SPTLC1: variants seen among roughly 807,000 people sequenced by gnomAD.
SPTLC1 encodes the protein serine palmitoyltransferase 1.
Under a neutral mutation model 68.9 loss-of-function variants are expected in SPTLC1, and 55 were observed. The observed-to-expected ratio is 0.80, with a 90% confidence interval of 0.64 to 1.00. The LOEUF (loss-of-function observed/expected upper bound fraction) is 1.00. SPTLC1 is among the 50% of genes least tolerant of loss of function. SPTLC1 has a pLI of 0.00. For synonymous variants in SPTLC1, 197 were observed against 201.6 expected (o/e 0.98, Z 0.19); for missense variants, 449 against 573.1 (o/e 0.78, Z 2.21).
chr9:92,096,612 G>A (rs1835539808), intron 3 of SPTLC1, among the ~76,000 whole-genome samples: 1 of 152,104 alleles, frequency 6.6e-6, no homozygotes, highest in South Asian at 2.1e-4. Context: ...AACAAACGGT[G>A]CTAGGACAAC....
At chr9:92,098,040 G>C (rs776862643) in intron 3 of SPTLC1, among the ~76,000 whole-genome samples, 2 of 152,150 alleles carry the variant, frequency 1.3e-5, no homozygotes, top group Non-Finnish European at 2.9e-5. Flanking sequence ...TTGGACTCCG[G>C]TGAAGACTCC....
At chr9:92,096,829 G>A (rs1483683703) in intron 3 of SPTLC1, among the ~76,000 whole-genome samples, 3 of 151,754 alleles carry the variant, frequency 2.0e-5, no homozygotes, top group Non-Finnish European at 4.4e-5. Flanking sequence ...AGGGAAGTCA[G>A]ACATCATTAA....
chr9:92,099,153 T>A (rs1835651159), intron 3 of SPTLC1, among the ~76,000 whole-genome samples: 1 of 152,192 alleles, frequency 6.6e-6, no homozygotes, highest in African/African-American at 2.4e-5. Flanking sequence ...ATATCTGAAC[T>A]CTGCCAGAAG....
chr9:92,037,462 C>T (rs1001390286), intron 13 of SPTLC1, among the ~76,000 whole-genome samples: 3 of 152,196 alleles, frequency 2.0e-5, no homozygotes, highest in Admixed American at 1.3e-4. Context: ...TCCAGCATCC[C>T]AGGACTTGGA....
chr9:92,106,060 G>C (rs1835968263), intron 3 of SPTLC1, among the ~76,000 whole-genome samples: 4 of 149,130 alleles, frequency 2.7e-5, no homozygotes, highest in Admixed American at 6.7e-5. Context: ...GTTTGTAAGG[G>C]AGGAGCGCCT....
chr9:92,092,834 T>C (rs1360546734), intron 3 of SPTLC1, among the ~76,000 whole-genome samples: 1 of 152,182 alleles, frequency 6.6e-6, no homozygotes, highest in Non-Finnish European at 1.5e-5. Context: ...ACACTCAATT[T>C]TGAAAGTTTG....
chr9:92,083,980 G>A (rs1364016547), intron 3 of SPTLC1, among the ~76,000 whole-genome samples: 1 of 152,134 alleles, frequency 6.6e-6, no homozygotes, highest in Non-Finnish European at 1.5e-5. Context: ...TGGATTCCTA[G>A]GTATTTCATT....
intron 3 of SPTLC1, chr9:92,105,290 T>C: frequency 6.5e-7 from 1 of 1,534,224 alleles, no homozygotes; most frequent in South Asian, 1.2e-5. Context: ...TGAGGCACTG[T>C]TGGTGGGTCA....
intron 8 of SPTLC1, chr9:92,051,030 T>A (rs1833688924): frequency 1.0e-6 from 1 of 985,204 alleles, no homozygotes; most frequent in Admixed American, 6.2e-5. Flanking sequence ...TAGTTTCGTA[T>A]CTGTCCATTA....
intron 12 of SPTLC1, among the ~76,000 whole-genome samples, chr9:92,040,126 T>C (rs199525636): frequency 0.03 from 4,562 of 152,262 alleles, 132 homozygotes; most frequent in South Asian, 0.11. Context: ...TCCCAGCACT[T>C]TGGGAGGCCA....
intron 3 of SPTLC1, among the ~76,000 whole-genome samples, chr9:92,083,395 T>A (rs2118698710): frequency 6.6e-6 from 1 of 151,846 alleles, no homozygotes; most frequent in East Asian, 1.9e-4. Context: ...AAGTCTTTAA[T>A]CCATCTTGAA....
chr9:92,034,864 G>A lies in SPTLC1; in HGVS notation c.1274C>T (p.Ala425Val), dbSNP rs371882545. 2 of 1,614,094 alleles carry A rather than the reference G, an allele frequency of 1.2e-6. No homozygotes were observed. The highest frequency in any genetic ancestry group is 4.5e-5 in the East Asian group (2 of 44,880). Reference protein sequence around the residue: ...IVDQCMNRSIALTQARYLEKE... With the variant: ...IVDQCMNRSIVLTQARYLEKE... Reference sequence around the variant, plus strand: ...CTCCAAGTAGCGCGCCTGAGTTAATGCAATACTTCTGTTCATGCACTGTAG... The same window carrying A: ...CTCCAAGTAGCGCGCCTGAGTTAATACAATACTTCTGTTCATGCACTGTAG... The change falls in exon 14 of 15, where the codon GCA (alanine) becomes GTA (valine). Residue 425 changes from alanine (A) to valine (V), a missense_variant. By Grantham distance (64) the Ala-to-Val change is moderately conservative (BLOSUM62 0). Around this residue, in one of 3 missense-constraint regions of SPTLC1, gnomAD observed 391 missense variants for 472.1 expected, o/e 0.83. Transcript: ENST00000262554.
intron 3 of SPTLC1, among the ~76,000 whole-genome samples, chr9:92,105,687 C>T (rs1024836034): frequency 1.4e-5 from 2 of 147,084 alleles, no homozygotes; most frequent in African/African-American, 5.0e-5. Context: ...AGGCCCCCAC[C>T]CTCTCTGGGA....
At chr9:92,106,651 C>G (rs1194771271) in intron 3 of SPTLC1, among the ~76,000 whole-genome samples, 2 of 152,100 alleles carry the variant, frequency 1.3e-5, no homozygotes, top group Non-Finnish European at 2.9e-5. Flanking sequence ...TTGCCTGTCC[C>G]TCCACCTTCT....
chr9:92,082,674 A>G (rs1396984429), intron 3 of SPTLC1, among the ~76,000 whole-genome samples: 2 of 151,996 alleles, frequency 1.3e-5, no homozygotes, highest in African/African-American at 4.8e-5. Flanking sequence ...AGTCTTTGCT[A>G]TTGTGAATAG....
chr9:92,106,334 C>G (rs1470341369), intron 3 of SPTLC1, among the ~76,000 whole-genome samples: 3 of 152,120 alleles, frequency 2.0e-5, no homozygotes, highest in Non-Finnish European at 2.9e-5. Flanking sequence ...ATTAGGCAGG[C>G]ATGGTGGCTT....
chr9:92,072,771 T>C (rs1834544429), intron 5 of SPTLC1, among the ~76,000 whole-genome samples: 1 of 152,226 alleles, frequency 6.6e-6, no homozygotes, highest in African/African-American at 2.4e-5. Flanking sequence ...ACAACTTCGG[T>C]TGCAAAATGG....
chr9:92,069,371 C>T (rs1394387662), intron 5 of SPTLC1, among the ~76,000 whole-genome samples: 2 of 152,150 alleles, frequency 1.3e-5, no homozygotes, highest in African/African-American at 4.8e-5. Flanking sequence ...ATTTCCATTA[C>T]CAATTGGTTA....
chr9:92,048,863 C>T (rs1277666033), intron 9 of SPTLC1, among the ~76,000 whole-genome samples: 1 of 152,208 alleles, frequency 6.6e-6, no homozygotes, highest in East Asian at 1.9e-4. Flanking sequence ...CAAATAAAGC[C>T]CGTACATTCT....
Sources: allele counts gnomAD v4.1 joint callset (sites outside exome capture counted in the v4.1 genomes callset), GRCh38; gene constraint gnomAD v4.1.1; regional missense constraint gnomAD v4.1.1; transcripts MANE v1.5; gene names NCBI Gene and HGNC (gene_info 2026-07-23, HGNC 2026-07-21).